The following EGF variants were observed in gnomAD, a reference collection of about 807,000 sequenced individuals.
EGF encodes epidermal growth factor, also known as pro-epidermal growth factor.
In EGF, 95 loss-of-function variants were observed where a neutral mutation model predicts 143.8. The observed-to-expected ratio is 0.66, with a 90% CI of 0.56 to 0.78. The LOEUF (loss-of-function observed/expected upper bound fraction) is 0.78, where lower values mean the gene tolerates loss of function less well. EGF is among the 30% of genes least tolerant of loss of function. EGF has a pLI of 0.00. For synonymous variants in EGF, 510 were observed against 510.5 expected, an observed-to-expected ratio of 1.00 and a Z score of 0.01; for missense variants, 1,320 against 1,470.9, an observed-to-expected ratio of 0.90 and a Z score of 1.68.
At position 109,944,969 on chromosome 4, in the gene EGF, G is replaced by T. The variant is rs756955971; in HGVS notation, c.738-104G>T. The T allele has an allele frequency of 1.0e-5, 12 of 1,193,418 alleles. 1 individual carries two copies. The East Asian group carries it at 3.0e-4, about 30-fold the overall frequency. 73.9% of individuals were successfully genotyped at this position (1,193,418 alleles called of 1,614,324 possible). ...ACATAAATGAGAAACAATTGAAAAC[G>T]TAGGTGGTTAAAACTTAGACAATAA... On this transcript the variant is annotated intron_variant, in intron 4 of 23. Transcript: ENST00000265171.
At chr4:109,984,878 C>T (rs1367607246) in intron 16 of EGF, among the ~76,000 whole-genome samples, 1 of 152,134 alleles carries the variant, frequency 6.6e-6, no homozygotes, top group Non-Finnish European at 1.5e-5. Flanking sequence ...GTGTGTTTAG[C>T]AATTTATTTG....
intron 17 of EGF, 62 bp downstream of exon 17, chr4:109,987,922 T>C (rs1750381120): frequency 7.8e-7 from 1 of 1,287,690 alleles, no homozygotes; most frequent in South Asian, 1.2e-5. Flanking sequence ...TTTTTTCTGC[T>C]CTTTCTGACT....
At position 109,940,957 on chromosome 4, in the gene EGF, T is replaced by G; in HGVS notation, c.139T>G (p.Phe47Val). The G allele has an allele frequency of 6.2e-7, 1 of 1,614,086 alleles. No homozygotes were observed. Among genetic ancestry groups the G allele is most frequent in the Non-Finnish European group, 8.5e-7 (1 of 1,179,946 alleles). ...TTCTTCCCACCCAGGTCCTGCACCC[T>G]TCTTAATTTTCTCCCATGGAAATAG... ...GNSTCVGPAP[F>V]LIFSHGNSIF... Residue 47 changes from phenylalanine to valine, a missense_variant, in exon 2 of 24, where the codon TTC (phenylalanine) becomes GTC (valine). Phe to Val is a conservative substitution (Grantham distance 50, BLOSUM62 -1). Around this residue, in one of 5 missense-constraint regions of EGF, gnomAD observed 79 missense variants for 71.2 expected, o/e 1.11. Transcript: ENST00000265171.
intron 5 of EGF, among the ~76,000 whole-genome samples, chr4:109,955,371 C>T (rs1263245990): frequency 1.3e-5 from 2 of 152,202 alleles, no homozygotes; most frequent in African/African-American, 4.8e-5. Context: ...TCAGTGCTGG[C>T]TTTGGCCTAT....
rs947352379 is a variant in EGF, at chr4:109,920,017, CT to C, written c.127+6559del. ...TTTGGCTTGTGAATCAGTACAATGT[CT>C]TTTATTTTTATCGTTGATGCATAGG... On this transcript the variant is annotated intron_variant, in intron 1 of 23. Transcript: ENST00000265171. Among the ~76,000 whole-genome samples, 65 of 151,624 alleles carry C rather than the reference CT, an allele frequency of 4.3e-4. 2 individuals carry two copies. Among genetic ancestry groups the C allele is most frequent in the African/African-American group, 1.5e-3 (61 of 40,958 alleles).
At chr4:109,931,005 C>T (rs776891501) in intron 1 of EGF, among the ~76,000 whole-genome samples, 1 of 152,118 alleles carries the variant, frequency 6.6e-6, no homozygotes, top group Non-Finnish European at 1.5e-5. Context: ...ATGTACTTCC[C>T]CCCTTACTGA....
At chr4:109,958,899 CAG>C (rs1370090681) in intron 5 of EGF, among the ~76,000 whole-genome samples, 2 of 118,978 alleles carry the variant, frequency 1.7e-5, no homozygotes, top group African/African-American at 3.4e-5. Context: ...GCCTGGGTGA[CAG>C]GGGGAGACCC....
intron 16 of EGF, among the ~76,000 whole-genome samples, chr4:109,985,776 T>A (rs1750034712): frequency 6.6e-6 from 1 of 152,222 alleles, no homozygotes; most frequent in South Asian, 2.1e-4. Flanking sequence ...AGCAGAGCCC[T>A]ATTCTTCACC....
intron 1 of EGF, among the ~76,000 whole-genome samples, chr4:109,926,945 A>T (rs1014465118): frequency 3.3e-5 from 5 of 152,212 alleles, no homozygotes; most frequent in African/African-American, 1.2e-4. Context: ...CACCTGTTAA[A>T]AATTCTTGTG....
intron 1 of EGF, among the ~76,000 whole-genome samples, chr4:109,927,806 C>CGTGTGTGT (rs57788647): frequency 6.0e-4 from 82 of 136,396 alleles, no homozygotes; most frequent in African/African-American, 2.0e-3. Flanking sequence ...TGAATTTTGC[C>CGTGTGTGT]GTGTGTGTGT....
chr4:109,964,610 A>G, intron 10 of EGF, 73 bp downstream of exon 10: 1 of 1,597,404 alleles, frequency 6.3e-7, no homozygotes, highest in Non-Finnish European at 8.6e-7. Flanking sequence ...CTAACAAATG[A>G]CCTGGCCTAC....
At chr4:109,953,882 G>T (rs1327162487) in intron 5 of EGF, among the ~76,000 whole-genome samples, 1 of 152,110 alleles carries the variant, frequency 6.6e-6, no homozygotes, top group African/African-American at 2.4e-5. Flanking sequence ...TATACACCTT[G>T]TCTTTTTAAA....
At chr4:109,992,726 A>C (rs923949776) in intron 18 of EGF, among the ~76,000 whole-genome samples, 9 of 152,158 alleles carry the variant, frequency 5.9e-5, no homozygotes, top group Non-Finnish European at 1.3e-4. Context: ...GACTGGATTA[A>C]GAAAATGTGG....
At chr4:109,968,912 G>T in intron 10 of EGF, 59 bp from the exon 11 acceptor site, 3 of 1,609,768 alleles carry the variant, frequency 1.9e-6, no homozygotes, top group Non-Finnish European at 2.5e-6. Flanking sequence ...AGTGCCATTT[G>T]TATATATTCC....
At chr4:109,958,917 C>CAAAA (rs57909689) in intron 5 of EGF, among the ~76,000 whole-genome samples, 3 of 98,590 alleles carry the variant, frequency 3.0e-5, no homozygotes, top group Non-Finnish European at 2.1e-5. Flanking sequence ...GACCCTGTCT[C>CAAAA]AAAAAAAAAA....
At chr4:109,915,145 A>G (rs951405204) in intron 1 of EGF, among the ~76,000 whole-genome samples, 1 of 152,226 alleles carries the variant, frequency 6.6e-6, no homozygotes, top group Admixed American at 6.5e-5. Context: ...CCCAATAAAC[A>G]TGAAACCCAG....
chr4:109,928,829 C>T (rs541049076), intron 1 of EGF, among the ~76,000 whole-genome samples: 1 of 152,214 alleles, frequency 6.6e-6, no homozygotes, highest in Non-Finnish European at 1.5e-5. Context: ...TGAATTCCAA[C>T]GGGAGGAGGG....
intron 16 of EGF, among the ~76,000 whole-genome samples, chr4:109,985,157 T>G (rs1326256294): frequency 6.6e-6 from 1 of 152,160 alleles, no homozygotes. Context: ...CCAAAGTATT[T>G]GTGAATTTGG....
intron 10 of EGF, among the ~76,000 whole-genome samples, chr4:109,965,275 T>C (rs951418611): frequency 6.6e-6 from 1 of 152,184 alleles, no homozygotes; most frequent in Admixed American, 6.5e-5. Flanking sequence ...TGTGGTACAT[T>C]AATTCCTAGA....
Sources: gnomAD v4.1 joint callset for allele counts (sites outside exome capture counted in the v4.1 genomes callset) on GRCh38, gnomAD v4.1.1 for gene constraint, gnomAD v4.1.1 regional missense constraint, MANE v1.5 for transcripts, NCBI Gene and HGNC (gene_info 2026-07-23, HGNC 2026-07-21) for gene names.